NRXN3: variants seen among roughly 807,000 people sequenced by gnomAD.
NRXN3 encodes the protein neurexin III.
NRXN3 carries 32 observed loss-of-function variants against 137.6 expected under a neutral mutation model. That is an observed-to-expected ratio of 0.23 (90% CI 0.18 to 0.31). NRXN3 has a LOEUF of 0.31. NRXN3 is among the 10% of genes least tolerant of loss of function. NRXN3 has a pLI of 1.00. For synonymous variants in NRXN3, 798 were observed against 784.5 expected, an observed-to-expected ratio of 1.02 and a Z score of -0.29; for missense variants, 1,574 against 2,062.5, an observed-to-expected ratio of 0.76 and a Z score of 4.59.
intron 1 of NRXN3, among the ~76,000 whole-genome samples, chr14:78,225,974 GGTGTGTGTGTGT>G (rs71131635): frequency 1.9e-4 from 23 of 123,714 alleles, no homozygotes; most frequent in East Asian, 1.5e-3. Flanking sequence ...TGTGTGTGTT[GGTGTGTGTGTGT>G]GTGTGTGTGT....
intron 16 of NRXN3, among the ~76,000 whole-genome samples, chr14:79,582,228 A>C (rs1013992463): frequency 1.3e-5 from 2 of 152,126 alleles, no homozygotes; most frequent in Non-Finnish European, 2.9e-5. Context: ...TACAGGCATG[A>C]GCAACCATGC....
intron 4 of NRXN3, among the ~76,000 whole-genome samples, chr14:78,310,240 G>A (rs1275451778): frequency 2.0e-5 from 3 of 146,428 alleles, no homozygotes; most frequent in Non-Finnish European, 4.5e-5. Flanking sequence ...CATTCATCCT[G>A]AGAGTCTGGT....
intron 15 of NRXN3, among the ~76,000 whole-genome samples, chr14:79,452,591 G>A (rs2096193732): frequency 6.6e-6 from 1 of 152,182 alleles, no homozygotes; most frequent in African/African-American, 2.4e-5. Context: ...ATTTTCAAAT[G>A]TAGGGATTAT....
At chr14:78,366,196 AG>A (rs1007132421) in intron 4 of NRXN3, among the ~76,000 whole-genome samples, 45 of 152,322 alleles carry the variant, frequency 3.0e-4, no homozygotes, top group African/African-American at 1.1e-3. Flanking sequence ...TCTCAGTAAA[AG>A]CTAGCTATTA....
chr14:79,219,794 T>C (rs2069201038), intron 15 of NRXN3, among the ~76,000 whole-genome samples: 1 of 152,196 alleles, frequency 6.6e-6, no homozygotes. Flanking sequence ...TCTATGATTG[T>C]GTTGTATTAT....
chr14:79,709,836 T>C (rs897172814), intron 19 of NRXN3, among the ~76,000 whole-genome samples: 2 of 152,142 alleles, frequency 1.3e-5, no homozygotes, highest in African/African-American at 4.8e-5. Context: ...ATGCATGAAA[T>C]ATATCTCTGA....
intron 15 of NRXN3, among the ~76,000 whole-genome samples, chr14:79,411,997 TA>T (rs2095423656): frequency 1.3e-5 from 2 of 152,146 alleles, no homozygotes; most frequent in African/African-American, 2.4e-5. Context: ...GACTCAGACA[TA>T]CCTCTGCCAC....
At chr14:78,734,801 A>C (rs1460335763) in intron 8 of NRXN3, among the ~76,000 whole-genome samples, 1 of 152,176 alleles carries the variant, frequency 6.6e-6, no homozygotes, top group Non-Finnish European at 1.5e-5. Context: ...CAAGGAACAG[A>C]GGGTAAGTCA....
At chr14:79,133,304 T>C (rs1201661251) in intron 15 of NRXN3, among the ~76,000 whole-genome samples, 1 of 152,210 alleles carries the variant, frequency 6.6e-6, no homozygotes, top group African/African-American at 2.4e-5. Context: ...ATCTCTGGCT[T>C]AGCTCCTTTC....
intron 3 of NRXN3, among the ~76,000 whole-genome samples, chr14:78,293,997 A>G (rs1420972352): frequency 2.0e-5 from 3 of 152,114 alleles, no homozygotes; most frequent in Non-Finnish European, 2.9e-5. Flanking sequence ...CCTCCATCTA[A>G]ACCCTAAACC....
At chr14:78,244,299 G>A (rs927434378) in intron 2 of NRXN3, among the ~76,000 whole-genome samples, 1 of 152,078 alleles carries the variant, frequency 6.6e-6, no homozygotes, top group African/African-American at 2.4e-5. Context: ...GCATGGTGGC[G>A]CACGCCTGTA....
chr14:79,652,444 C>G (rs562918732), intron 16 of NRXN3, among the ~76,000 whole-genome samples: 1 of 152,256 alleles, frequency 6.6e-6, no homozygotes, highest in South Asian at 2.1e-4. Context: ...AGAGGGCTTA[C>G]AGTGCCTGCC....
At chr14:79,755,935 T>C (rs1379489931) in intron 19 of NRXN3, among the ~76,000 whole-genome samples, 1 of 152,214 alleles carries the variant, frequency 6.6e-6, no homozygotes, top group African/African-American at 2.4e-5. Context: ...TGTATAGTTA[T>C]CTTTAAACAA....
intron 15 of NRXN3, among the ~76,000 whole-genome samples, chr14:79,024,683 A>G (rs2099595276): frequency 6.6e-6 from 1 of 152,112 alleles, no homozygotes; most frequent in African/African-American, 2.4e-5. Flanking sequence ...AGGGCTTGGT[A>G]AAACATTGTA....
intron 14 of NRXN3, among the ~76,000 whole-genome samples, chr14:78,974,304 G>A (rs143251092): frequency 1.1e-3 from 168 of 152,222 alleles, no homozygotes; most frequent in African/African-American, 3.6e-3. Context: ...TGGATTTAGC[G>A]GATTAAACTA....
chr14:79,699,512 G>A (rs940497643), intron 19 of NRXN3, among the ~76,000 whole-genome samples: 3 of 151,888 alleles, frequency 2.0e-5, no homozygotes, highest in Admixed American at 6.6e-5. Context: ...AATGTTACAC[G>A]GGGATTCGGG....
chr14:78,203,082 C>T (rs2061828945), intron 1 of NRXN3, among the ~76,000 whole-genome samples: 1 of 152,162 alleles, frequency 6.6e-6, no homozygotes, highest in African/African-American at 2.4e-5. Context: ...AGTCCCCATG[C>T]CTTTCTCTTT....
At chr14:79,656,400 C>G (rs1472391755) in intron 16 of NRXN3, among the ~76,000 whole-genome samples, 3 of 152,122 alleles carry the variant, frequency 2.0e-5, no homozygotes, top group East Asian at 1.9e-4. Flanking sequence ...AATAAACCAG[C>G]ATGACATTGG....
rs548354298 is a variant in NRXN3 at position 79,013,583 on chromosome 14, T to A, written c.3262+25442T>A. 1.6e-3 allele frequency among the ~76,000 whole-genome samples: 245 copies of A among 152,332 alleles called. 3 individuals are homozygous for A. The highest frequency in any genetic ancestry group is 8.5e-3 in the South Asian group (41 of 4,828). ...TAGATTTTACCAGTCACCTTGTTGATTATGAAATGCTAAGTCAGGGTCTTT... is the reference window on the plus strand; with the variant it reads ...TAGATTTTACCAGTCACCTTGTTGAATATGAAATGCTAAGTCAGGGTCTTT... On this transcript the variant is annotated intron_variant, in intron 15 of 20. Transcript: ENST00000335750.
Sources: gnomAD v4.1 joint callset for allele counts (sites outside exome capture counted in the v4.1 genomes callset) on GRCh38, gnomAD v4.1.1 for gene constraint, MANE v1.5 for transcripts, NCBI Gene and HGNC (gene_info 2026-07-23, HGNC 2026-07-21) for gene names.